Variants in APOO observed in about 807,000 individuals in gnomAD.
APOO encodes the protein MICOS complex subunit MIC26.
A neutral mutation model predicts 23.1 loss-of-function variants in APOO; 11 were observed. The ratio of observed to expected loss-of-function variants is 0.48; its 90% confidence interval spans 0.30 to 0.79. The LOEUF (loss-of-function observed/expected upper bound fraction) is 0.79. Ranked by LOEUF, APOO falls within the 30% of genes least tolerant of loss-of-function variation. The pLI is 0.07. For missense variants in APOO, 160 were observed against 142.7 expected (o/e 1.12, Z -0.62); for synonymous variants, 59 against 54.8 (o/e 1.08, Z -0.34).
chrX:23,844,714 C>T (rs894153676), intron 7 of APOO, among the ~76,000 whole-genome samples: 1 of 112,093 alleles, frequency 8.9e-6, no homozygotes, highest in Non-Finnish European at 1.9e-5. Context: ...TAGAATTGGA[C>T]TTCTGACCCA....
intron 7 of APOO, among the ~76,000 whole-genome samples, chrX:23,849,014 G>A (rs1444508149): frequency 4.6e-5 from 5 of 109,086 alleles, no homozygotes; most frequent in South Asian, 4.0e-4. Flanking sequence ...CTGCCACCAC[G>A]CCTGGCTAAT....
rs142397778 is a variant in APOO, at chrX:23,880,917, G to A, written c.45C>T (p.Ser15=). The change falls in exon 2 of 9, where the codon AGC becomes AGT. Residue 15 remains serine, a synonymous_variant. Coordinates refer to ENST00000379226, the MANE Select transcript of APOO (RefSeq NM_024122.5). ...CTGCATAGACTTTGAAGGTGAGCAA[G>A]CTCAGGCTGGCTGGCCCCACGGACC... is the stretch of plus-strand genomic sequence containing the variant. ...IQRSVGPASL[S]LLTFKVYAAP... 1.2e-5 allele frequency: 14 copies of A among 1,186,406 alleles called. No individual in the cohort carries two copies. The African/African-American group carries it at 2.3e-4, about 20-fold the overall frequency.
intron 4 of APOO, among the ~76,000 whole-genome samples, chrX:23,869,214 T>C (rs1284131497): frequency 1.8e-5 from 2 of 110,781 alleles, no homozygotes; most frequent in Admixed American, 9.7e-5. Flanking sequence ...CGGCTGCAAG[T>C]GTCCAATTTT....
intron 1 of APOO, among the ~76,000 whole-genome samples, chrX:23,905,080 C>G (rs139771016): frequency 9.1e-6 from 1 of 110,368 alleles, no homozygotes; most frequent in Non-Finnish European, 1.9e-5. Flanking sequence ...ACCCAAAGTA[C>G]ATGTTCACCT....
At position 23,840,301 on chromosome X, in the gene APOO, C is replaced by G; in HGVS notation, c.*29+12G>C. The G allele has an allele frequency of 8.9e-7, 1 of 1,117,779 alleles. No homozygotes were observed. Among genetic ancestry groups the G allele is most frequent in the Admixed American group, 2.8e-5 (1 of 36,286 alleles). 92.1% of individuals were successfully genotyped at this position (1,117,779 alleles called of 1,213,427 possible). Reference sequence around the variant, plus strand: ...ATGCTGAAAATAATCACAGAAATTTCTTGTTTTTTACCTGATTAAGATGGC... The same window carrying G: ...ATGCTGAAAATAATCACAGAAATTTGTTGTTTTTTACCTGATTAAGATGGC... On this transcript the variant is annotated intron_variant, in intron 8 of 8. Coordinates refer to ENST00000379226, the MANE Select transcript of APOO (RefSeq NM_024122.5).
intron 1 of APOO, among the ~76,000 whole-genome samples, chrX:23,905,240 A>T (rs2147057047): frequency 9.2e-6 from 1 of 108,923 alleles, no homozygotes; most frequent in East Asian, 2.9e-4. Flanking sequence ...AATACAAAAA[A>T]ATTAGCCAGG....
intron 7 of APOO, among the ~76,000 whole-genome samples, chrX:23,849,658 GAGGC>G (rs2146975831): frequency 9.9e-6 from 1 of 101,294 alleles, no homozygotes; most frequent in East Asian, 3.6e-4. Context: ...TTGGGAGGCC[GAGGC>G]AGGTGGACTG....
At position 23,887,120 on chromosome X, in the gene APOO, T is replaced by C. The variant is rs758170006; in HGVS notation, c.10-6168A>G. 1.2e-4 allele frequency among the ~76,000 whole-genome samples: 13 copies of C among 110,006 alleles called. No homozygotes were observed. The South Asian group carries it at 4.7e-3, about 40-fold the overall frequency. ...TCTGGATGGGTTGCTTTGTGAGACA[T>C]GAACACAAAGGTATTCTCTCTCCAT... On this transcript the variant is annotated intron_variant, in intron 1 of 8. Transcript: ENST00000379226.
chrX:23,854,745 A>T (rs2086313664), intron 7 of APOO, among the ~76,000 whole-genome samples: 1 of 109,646 alleles, frequency 9.1e-6, no homozygotes, highest in East Asian at 2.9e-4. Flanking sequence ...CTGGTCTGGA[A>T]CTCCCGACCT....
At chrX:23,888,529 C>T (rs1379104537) in intron 1 of APOO, among the ~76,000 whole-genome samples, 3 of 111,164 alleles carry the variant, frequency 2.7e-5, no homozygotes, top group African/African-American at 9.8e-5. Context: ...AAGACTCAGG[C>T]CACAATTTAA....
chrX:23,840,303 T>C lies in APOO; in HGVS notation c.*29+10A>G, dbSNP rs1464144876. ...GCTGAAAATAATCACAGAAATTTCT[T>C]GTTTTTTACCTGATTAAGATGGCAG... On this transcript the variant is annotated intron_variant, in intron 8 of 8. Coordinates refer to ENST00000379226, the MANE Select transcript of APOO (RefSeq NM_024122.5). 1 of 1,125,914 alleles carries C rather than the reference T, an allele frequency of 8.9e-7. No homozygotes were observed. The highest frequency in any genetic ancestry group is 2.7e-5 in the Admixed American group (1 of 36,710). The allele number at this position is 1,125,914 out of a possible 1,213,427, so 92.8% of individuals were successfully genotyped here. A position where few individuals can be genotyped will look rare whatever the true frequency, so the allele number is the denominator to read the frequency against.
At position 23,840,309 on chromosome X, in the gene APOO, T is replaced by C; in HGVS notation, c.*29+4A>G. The C allele has an allele frequency of 8.7e-7, 1 of 1,152,337 alleles. No homozygotes were observed. The highest frequency in any genetic ancestry group is 1.2e-6 in the Non-Finnish European group (1 of 863,405). The allele number at this position is 1,152,337 out of a possible 1,213,427, so 95.0% of individuals were successfully genotyped here. On this transcript the variant is annotated splice_donor_region_variant and intron_variant, in intron 8 of 8. Transcript: ENST00000379226. ...AATAATCACAGAAATTTCTTGTTTT[T>C]TACCTGATTAAGATGGCAGAGCATG...
At chrX:23,894,030 T>A (rs6629761) in intron 1 of APOO, among the ~76,000 whole-genome samples, 13,184 of 111,470 alleles carry the variant, frequency 0.12, 885 homozygotes, top group South Asian at 0.52. Context: ...ACATTTTTTT[T>A]AAATAGATGT....
chrX:23,847,232 T>C (rs1248611578), intron 7 of APOO, among the ~76,000 whole-genome samples: 1 of 111,995 alleles, frequency 8.9e-6, no homozygotes, highest in African/African-American at 3.2e-5. Flanking sequence ...ATGGGACAGT[T>C]TGAACTTTAA....
chrX:23,863,571 T>C (rs1925197199), intron 5 of APOO, among the ~76,000 whole-genome samples: 2 of 111,782 alleles, frequency 1.8e-5, no homozygotes, highest in Non-Finnish European at 3.8e-5. Context: ...AACTGTCACA[T>C]GGTATGAGGG....
intron 8 of APOO, among the ~76,000 whole-genome samples, chrX:23,838,995 T>G (rs1923847303): frequency 9.0e-6 from 1 of 111,549 alleles, no homozygotes; most frequent in Non-Finnish European, 1.9e-5. Flanking sequence ...GAGAGAAATA[T>G]AACCATATTA....
At chrX:23,867,670 G>A (rs1465844952) in intron 5 of APOO, among the ~76,000 whole-genome samples, 1 of 111,178 alleles carries the variant, frequency 9.0e-6, no homozygotes, top group East Asian at 2.8e-4. Flanking sequence ...AGCCTCCCGA[G>A]TAGCTGGGAC....
Position 23,880,929 on chromosome X carries a change from T to C in APOO, c.33A>G (p.Pro11=). ...TGAAGGTGAGCAAGCTCAGGCTGGC[T>C]GGCCCCACGGACCTCTGAATTACCT... MFKVIQRSVG[P]ASLSLLTFKV... Residue 11 remains proline (P), a synonymous_variant, in exon 2 of 9, where the codon CCA becomes CCG. Transcript: ENST00000379226. 1 of 1,186,990 alleles carries C rather than the reference T, an allele frequency of 8.4e-7. No individual in the cohort carries two copies. Among genetic ancestry groups the C allele is most frequent in the South Asian group, 1.9e-5 (1 of 52,166 alleles).
chrX:23,904,256 G>A (rs917573445), intron 1 of APOO, among the ~76,000 whole-genome samples: 5 of 110,792 alleles, frequency 4.5e-5, no homozygotes, highest in Non-Finnish European at 7.5e-5. Flanking sequence ...CGCCACCCTG[G>A]GTTGATCCTG....
Sources: gnomAD v4.1 joint callset for allele counts (sites outside exome capture counted in the v4.1 genomes callset) on GRCh38, gnomAD v4.1.1 for gene constraint, MANE v1.5 for transcripts, NCBI Gene and HGNC (gene_info 2026-07-23, HGNC 2026-07-21) for gene names.